Variants in ZNF407 observed in about 807,000 individuals in gnomAD.
ZNF407 encodes the protein zinc finger protein 407.
Under a neutral mutation model 131.2 loss-of-function variants are expected in ZNF407, and 17 were observed. The observed-to-expected ratio is 0.13, with a 90% confidence interval of 0.09 to 0.19. ZNF407 has a LOEUF of 0.19. ZNF407 is among the 10% of genes least tolerant of loss of function. The pLI, the probability that ZNF407 is intolerant of heterozygous loss-of-function variation, is 1.00. For missense variants in ZNF407, 2,681 were observed against 2,830.6 expected (o/e 0.95, Z 1.20); for synonymous variants, 1,156 against 1,062.0 (o/e 1.09, Z -1.72).
At chr18:74,713,078 C>T (rs569913712) in intron 3 of ZNF407, among the ~76,000 whole-genome samples, 4 of 152,140 alleles carry the variant, frequency 2.6e-5, no homozygotes, top group Non-Finnish European at 5.9e-5. Flanking sequence ...CTTATTGATA[C>T]CTGCATTTCA....
chr18:74,880,118 C>T (rs977835251), intron 5 of ZNF407, among the ~76,000 whole-genome samples: 2 of 152,110 alleles, frequency 1.3e-5, no homozygotes, highest in African/African-American at 2.4e-5. Flanking sequence ...CTGAATCTCT[C>T]GAAGGTTAGC....
chr18:74,765,305 T>A (rs1353159656), intron 3 of ZNF407, among the ~76,000 whole-genome samples: 1 of 152,244 alleles, frequency 6.6e-6, no homozygotes, highest in African/African-American at 2.4e-5. Context: ...TGTTCATATT[T>A]TTACACTTCT....
chr18:74,917,908 T>C (rs1971794254), intron 7 of ZNF407, among the ~76,000 whole-genome samples: 1 of 152,210 alleles, frequency 6.6e-6, no homozygotes, highest in South Asian at 2.1e-4. Context: ...AGTACAGTAG[T>C]AGCTTTTTGT....
intron 3 of ZNF407, among the ~76,000 whole-genome samples, chr18:74,779,109 A>ATATATATATATATATTTTTTTT (rs397943457): frequency 1.2e-4 from 3 of 24,376 alleles, no homozygotes; most frequent in East Asian, 7.1e-3. Context: ...ATATATATAT[A>ATATATATATATATATTTTTTTT]TTTTTTTTTT....
intron 1 of ZNF407, among the ~76,000 whole-genome samples, chr18:74,614,386 G>A (rs963806180): frequency 2.6e-5 from 4 of 152,314 alleles, no homozygotes; most frequent in African/African-American, 4.8e-5. Flanking sequence ...AATTTTATGT[G>A]GCAAATTATG....
intron 4 of ZNF407, among the ~76,000 whole-genome samples, chr18:74,853,323 A>G (rs1302162088): frequency 6.6e-6 from 1 of 152,188 alleles, no homozygotes; most frequent in Non-Finnish European, 1.5e-5. Context: ...TAACAGATGG[A>G]GGAGCTTTTG....
chr18:74,659,793 T>G (rs1281221532), intron 3 of ZNF407, among the ~76,000 whole-genome samples: 1 of 152,190 alleles, frequency 6.6e-6, no homozygotes, highest in Non-Finnish European at 1.5e-5. Flanking sequence ...AATAAAAGTA[T>G]TTAGGTACAA....
intron 8 of ZNF407, among the ~76,000 whole-genome samples, chr18:74,980,255 CTTTT>C (rs5826360): frequency 0.035 from 4,842 of 138,786 alleles, 289 homozygotes; most frequent in African/African-American, 0.12. Flanking sequence ...CTTCCCCATG[CTTTT>C]TTTTTTTTTT....
intron 4 of ZNF407, among the ~76,000 whole-genome samples, chr18:74,833,937 C>T (rs759873757): frequency 6.6e-6 from 1 of 152,098 alleles, no homozygotes; most frequent in Non-Finnish European, 1.5e-5. Flanking sequence ...CTTTTAGACA[C>T]CAGAGTGGAG....
At chr18:74,721,621 C>T (rs1968039039) in intron 3 of ZNF407, among the ~76,000 whole-genome samples, 2 of 152,152 alleles carry the variant, frequency 1.3e-5, no homozygotes, top group Non-Finnish European at 2.9e-5. Context: ...AAATATTTGT[C>T]TCTAAATGTA....
chr18:74,866,866 T>A (rs1403330199), intron 4 of ZNF407, among the ~76,000 whole-genome samples: 1 of 148,500 alleles, frequency 6.7e-6, no homozygotes, highest in Non-Finnish European at 1.5e-5. Context: ...ATATTTAGTG[T>A]AAAAGTGGGC....
chr18:74,922,339 G>T (rs527818463), intron 8 of ZNF407, among the ~76,000 whole-genome samples: 1 of 152,178 alleles, frequency 6.6e-6, no homozygotes, highest in South Asian at 2.1e-4. Flanking sequence ...TGTCCTCCTC[G>T]AGGTGGCCTT....
At chr18:75,017,538 A>G (rs1973059458) in intron 8 of ZNF407, among the ~76,000 whole-genome samples, 1 of 152,128 alleles carries the variant, frequency 6.6e-6, no homozygotes, top group South Asian at 2.1e-4. Context: ...ACCCAACCCT[A>G]TGCCATTCCT....
intron 4 of ZNF407, among the ~76,000 whole-genome samples, chr18:74,870,756 ATTAGAG>A (rs1421475164): frequency 6.6e-6 from 1 of 152,204 alleles, no homozygotes; most frequent in Non-Finnish European, 1.5e-5. Flanking sequence ...TTATTTAGCT[ATTAGAG>A]TACCTTTTTG....
Position 75,048,507 on chromosome 18 carries a change from G to C in ZNF407, c.5429-14643G>C, listed in dbSNP as rs956283335. On this transcript the variant is annotated intron_variant, in intron 8 of 8. Transcript: ENST00000299687. This position sits in a 1 kb window ranked among gnomAD's most constrained non-coding sequence, Gnocchi z 4.1. The stretch of plus-strand genomic sequence containing the variant: ...CCTCAGGTGTTTGGGACTACCACCT[G>C]TATTCTCATCATAGCCAGAAATTTC... 6.6e-6 allele frequency among the ~76,000 whole-genome samples: 1 copy of C among 152,112 alleles called. No homozygotes were observed. Among genetic ancestry groups the C allele is most frequent in the Non-Finnish European group, 1.5e-5 (1 of 68,024 alleles).
chr18:74,642,986 A>G (rs981285984), intron 3 of ZNF407, among the ~76,000 whole-genome samples: 1 of 152,180 alleles, frequency 6.6e-6, no homozygotes, highest in Non-Finnish European at 1.5e-5. Flanking sequence ...GAAGAATTGC[A>G]GTAAACTGAA....
chr18:74,729,466 C>G (rs2144890985), intron 3 of ZNF407, among the ~76,000 whole-genome samples: 1 of 152,052 alleles, frequency 6.6e-6, no homozygotes, highest in South Asian at 2.1e-4. Context: ...GCTAGATGCT[C>G]CAGAGAAGAA....
chr18:74,813,470 A>AC (rs34293449), intron 4 of ZNF407, among the ~76,000 whole-genome samples: 54,418 of 151,618 alleles, frequency 0.36, 12,929 homozygotes, highest in African/African-American at 0.69. Flanking sequence ...CACCCCCTTC[A>AC]CCCCACACCC....
intron 8 of ZNF407, among the ~76,000 whole-genome samples, chr18:75,018,958 C>T (rs1158875970): frequency 2.6e-5 from 4 of 151,848 alleles, no homozygotes; most frequent in Admixed American, 1.3e-4. Context: ...TTTCATAAAC[C>T]CCACTTAGAA....
Sources: allele counts gnomAD v4.1 joint callset (sites outside exome capture counted in the v4.1 genomes callset), GRCh38; gene constraint gnomAD v4.1.1; non-coding constraint Gnocchi (gnomAD v3.1); transcripts MANE v1.5; gene names NCBI Gene and HGNC (gene_info 2026-07-23, HGNC 2026-07-21).